Variants in FRMD4B observed in about 807,000 individuals in gnomAD.
The protein encoded by FRMD4B is FERM domain-containing protein 4B.
A neutral mutation model predicts 141.5 loss-of-function variants in FRMD4B; 74 were observed. The ratio of observed to expected loss-of-function variants is 0.52; its 90% confidence interval spans 0.43 to 0.63. FRMD4B has a LOEUF of 0.63. Among genes scored for constraint, FRMD4B ranks in the 30% least tolerant of loss-of-function variants. FRMD4B has a pLI of 0.00. For missense variants in FRMD4B, 1,366 were observed against 1,253.4 expected, an observed-to-expected ratio of 1.09 and a Z score of -1.36; for synonymous variants, 506 against 467.9, an observed-to-expected ratio of 1.08 and a Z score of -1.05.
Position 69,267,550 on chromosome 3 carries a change from T to A in FRMD4B, c.502-17451A>T, listed in dbSNP as rs1347439155. On this transcript the variant is annotated intron_variant, in intron 5 of 22. Transcript: ENST00000398540. ...CCAGCACCTATATAGGCCTAGCACATAGAAAATATTTAGTACATATATATA... is the reference window on the plus strand; with the variant it reads ...CCAGCACCTATATAGGCCTAGCACAAAGAAAATATTTAGTACATATATATA... Among the ~76,000 whole-genome samples, 3 of 148,574 alleles carry A rather than the reference T, an allele frequency of 2.0e-5. No homozygotes were observed. The Admixed American group carries it at 2.0e-4, about 10-fold the overall frequency.
intron 1 of FRMD4B, among the ~76,000 whole-genome samples, chr3:69,497,313 C>T (rs1706419502): frequency 6.6e-6 from 1 of 152,162 alleles, no homozygotes; most frequent in South Asian, 2.1e-4. Flanking sequence ...CTAGTAAAAG[C>T]TGACTAATAT....
intron 11 of FRMD4B, among the ~76,000 whole-genome samples, chr3:69,204,728 C>T (rs2093005491): frequency 6.6e-6 from 1 of 152,158 alleles, no homozygotes; most frequent in Non-Finnish European, 1.5e-5. Context: ...GTCGAAGTGA[C>T]AGTCATACAA....
At chr3:69,510,139 C>T (rs1016702173) in intron 1 of FRMD4B, among the ~76,000 whole-genome samples, 1 of 152,034 alleles carries the variant, frequency 6.6e-6, no homozygotes, top group African/African-American at 2.4e-5. Context: ...ATTTTGTCTA[C>T]TTTAAGACAG....
At position 69,191,724 on chromosome 3, in the gene FRMD4B, C is replaced by T. The variant is rs190089353; in HGVS notation, c.1715-1772G>A. On this transcript the variant is annotated intron_variant, in intron 17 of 22. Coordinates refer to ENST00000398540, the MANE Select transcript of FRMD4B (RefSeq NM_015123.3). ...GGCATACTTTCACTGTAAAGGAGAACATTTGAATTTTGCACAGTTTGAGGA... is the reference window on the plus strand; with the variant it reads ...GGCATACTTTCACTGTAAAGGAGAATATTTGAATTTTGCACAGTTTGAGGA... Among the ~76,000 whole-genome samples the T allele has an allele frequency of 2.3e-4, 35 of 152,278 alleles. No homozygotes were observed. The East Asian group carries it at 6.6e-3, about 29-fold the overall frequency.
chr3:69,240,899 T>C (rs764489592), intron 7 of FRMD4B, among the ~76,000 whole-genome samples: 1 of 152,188 alleles, frequency 6.6e-6, no homozygotes, highest in Non-Finnish European at 1.5e-5. Flanking sequence ...CTTTGAGAAG[T>C]GGAAGTAGTT....
intron 5 of FRMD4B, among the ~76,000 whole-genome samples, chr3:69,284,335 G>A (rs1413506220): frequency 6.6e-6 from 1 of 152,148 alleles, no homozygotes; most frequent in Non-Finnish European, 1.5e-5. Flanking sequence ...CCCAAAGTTG[G>A]AGACCATCTG....
Position 69,308,563 on chromosome 3 carries a change from G to A in FRMD4B, c.323+2700C>T, listed in dbSNP as rs141503101. Among the ~76,000 whole-genome samples the A allele has an allele frequency of 4.6e-5, 7 of 150,898 alleles. No individual in the cohort carries two copies. The East Asian group carries it at 9.9e-4, about 21-fold the overall frequency. ...TGCAATCCTCCCACCTAAGCCTCCC[G>A]AGGAGCTGGGACTACAGGTGTGCAC... On this transcript the variant is annotated intron_variant, in intron 3 of 22. Coordinates refer to ENST00000398540, the MANE Select transcript of FRMD4B (RefSeq NM_015123.3).
At position 69,449,486 on chromosome 3, in the gene FRMD4B, A is replaced by C. The variant is rs534295045; in HGVS notation, c.-128-16725T>G. Among the ~76,000 whole-genome samples, 16 of 152,348 alleles carry C rather than the reference A, an allele frequency of 1.1e-4. 2 individuals carry two copies. The South Asian group carries it at 2.9e-3, about 28-fold the overall frequency. ...CATTTGCCAGGAGGTGAAAAAGCGGATGAATGCATCTAGATATTATCTCCT... is the reference window on the plus strand; with the variant it reads ...CATTTGCCAGGAGGTGAAAAAGCGGCTGAATGCATCTAGATATTATCTCCT... On this transcript the variant is annotated intron_variant, in intron 1 of 5. Transcript: ENST00000459638.
intron 7 of FRMD4B, among the ~76,000 whole-genome samples, chr3:69,233,076 C>G (rs913655223): frequency 4.6e-5 from 7 of 151,828 alleles, no homozygotes; most frequent in Non-Finnish European, 1.0e-4. Flanking sequence ...CTTCTCCAAG[C>G]AAAGCGCTTC....
At chr3:69,421,400 T>C (rs1704976691) in intron 2 of FRMD4B, among the ~76,000 whole-genome samples, 1 of 152,238 alleles carries the variant, frequency 6.6e-6, no homozygotes, top group Admixed American at 6.5e-5. Flanking sequence ...AATGAAAATG[T>C]AGCAGGCTGG....
At chr3:69,275,950 C>T (rs1461028064) in intron 5 of FRMD4B, among the ~76,000 whole-genome samples, 1 of 152,080 alleles carries the variant, frequency 6.6e-6, no homozygotes, top group Non-Finnish European at 1.5e-5. Context: ...ATTTCATATA[C>T]ATAAGCACAT....
chr3:69,467,883 G>A (rs1498838), intron 1 of FRMD4B, among the ~76,000 whole-genome samples: 2,902 of 152,216 alleles, frequency 0.019, 111 homozygotes, highest in African/African-American at 0.067. Flanking sequence ...GGACACTGAA[G>A]AAATAGGAGT....
chr3:69,185,884 A>T (rs1315202978), intron 19 of FRMD4B, among the ~76,000 whole-genome samples: 1 of 151,946 alleles, frequency 6.6e-6, no homozygotes, highest in Non-Finnish European at 1.5e-5. Flanking sequence ...TCTACTAAAG[A>T]TACAAAAACT....
At chr3:69,314,708 G>A (rs1225258033) in intron 1 of FRMD4B, among the ~76,000 whole-genome samples, 1 of 152,016 alleles carries the variant, frequency 6.6e-6, no homozygotes, top group Non-Finnish European at 1.5e-5. Context: ...GGTGGTATGT[G>A]CCTGTAGTTC....
intron 7 of FRMD4B, among the ~76,000 whole-genome samples, chr3:69,246,511 A>C (rs2093426849): frequency 6.6e-6 from 1 of 152,192 alleles, no homozygotes; most frequent in South Asian, 2.1e-4. Flanking sequence ...TTTTAGAACA[A>C]AACTTTGGAG....
At chr3:69,258,402 C>T (rs946874884) in intron 5 of FRMD4B, among the ~76,000 whole-genome samples, 1 of 152,178 alleles carries the variant, frequency 6.6e-6, no homozygotes. Context: ...CAAAATCAAA[C>T]ATTTTCACTA....
chr3:69,367,494 G>C (rs956462014), intron 1 of FRMD4B, among the ~76,000 whole-genome samples: 5 of 151,222 alleles, frequency 3.3e-5, no homozygotes, highest in African/African-American at 1.2e-4. Context: ...ATATTGTCTT[G>C]TACTTTGTTT....
chr3:69,388,642 A>G (rs1406441964), upstream of FRMD4B, among the ~76,000 whole-genome samples: 1 of 152,174 alleles, frequency 6.6e-6, no homozygotes, highest in African/African-American at 2.4e-5. Flanking sequence ...CAAAGTCTCA[A>G]TGTCCTCATG....
At chr3:69,495,582 G>A (rs1467519406) in intron 1 of FRMD4B, among the ~76,000 whole-genome samples, 3 of 152,288 alleles carry the variant, frequency 2.0e-5, no homozygotes, top group South Asian at 2.1e-4. Context: ...TGGGTCATCC[G>A]ACAGGCTGGG....
Sources: allele counts gnomAD v4.1 joint callset (sites outside exome capture counted in the v4.1 genomes callset), GRCh38; gene constraint gnomAD v4.1.1; transcripts MANE v1.5; gene names NCBI Gene and HGNC (gene_info 2026-07-23, HGNC 2026-07-21).